Variants in MYO18B observed in about 807,000 individuals in gnomAD.
The protein encoded by MYO18B is unconventional myosin-XVIIIb.
A neutral mutation model predicts 273.0 loss-of-function variants in MYO18B; 204 were observed. The ratio of observed to expected loss-of-function variants is 0.75; its 90% CI spans 0.67 to 0.84. The LOEUF is 0.84. Among genes scored for constraint, MYO18B ranks in the 40% least tolerant of loss-of-function variants. The pLI, the probability that MYO18B is intolerant of heterozygous loss-of-function variation, is 0.00. For synonymous variants in MYO18B, 1,330 were observed against 1,305.7 expected, an observed-to-expected ratio of 1.02 and a Z score of -0.40; for missense variants, 3,212 against 3,287.6, an observed-to-expected ratio of 0.98 and a Z score of 0.56.
chr22:25,760,977 G>A lies in MYO18B; in HGVS notation c.-109-7G>A. ...TCTTCTCTCCCCACTGTGTCCCTGT[G>A]TGTCAGTTCTGTGTCCATCTCATGT... On this transcript the variant is annotated splice_region_variant and splice_polypyrimidine_tract_variant and intron_variant, in intron 1 of 43. Coordinates refer to ENST00000335473, the MANE Select transcript of MYO18B (RefSeq NM_032608.7). 1 of 1,134,828 alleles carries A rather than the reference G, an allele frequency of 8.8e-7. No homozygotes were observed. Among genetic ancestry groups the A allele is most frequent in the Non-Finnish European group, 1.3e-6 (1 of 756,948 alleles). 70.3% of individuals were successfully genotyped at this position (1,134,828 alleles called of 1,614,324 possible).
intron 11 of MYO18B, among the ~76,000 whole-genome samples, chr22:25,794,435 C>T (rs1412791732): frequency 1.3e-5 from 2 of 152,158 alleles, no homozygotes; most frequent in African/African-American, 4.8e-5. Context: ...CTCCTCCCAC[C>T]TCAGCCTCCC....
intron 3 of MYO18B, among the ~76,000 whole-genome samples, chr22:25,765,554 C>T (rs2086473770): frequency 6.6e-6 from 1 of 152,206 alleles, no homozygotes; most frequent in African/African-American, 2.4e-5. Flanking sequence ...GATTCTAGCT[C>T]TGGCCCTGCC....
At chr22:25,836,123 A>AG (rs1416026875) in intron 17 of MYO18B, among the ~76,000 whole-genome samples, 3 of 152,116 alleles carry the variant, frequency 2.0e-5, no homozygotes, top group Admixed American at 1.3e-4. Flanking sequence ...GATTGGTGGA[A>AG]GGGGGAGCAA....
At chr22:25,830,661 G>A (rs1464098599) in intron 15 of MYO18B, among the ~76,000 whole-genome samples, 1 of 152,174 alleles carries the variant, frequency 6.6e-6, no homozygotes, top group Non-Finnish European at 1.5e-5. Flanking sequence ...GCAAACAGAA[G>A]CGTGCAGGGG....
the MYO18B span, among the ~76,000 whole-genome samples, chr22:26,060,104 A>G: frequency 6.6e-6 from 1 of 152,234 alleles, no homozygotes. Context: ...GTACATCCCC[A>G]GCGTCCTTTA....
chr22:26,059,239 CT>C, the MYO18B span, among the ~76,000 whole-genome samples: 2 of 152,132 alleles, frequency 1.3e-5, no homozygotes, highest in Non-Finnish European at 2.9e-5. Context: ...TTGCTTGTTA[CT>C]TTACCTCTTC....
intron 7 of MYO18B, among the ~76,000 whole-genome samples, chr22:25,774,457 A>T (rs913063852): frequency 6.6e-6 from 1 of 152,232 alleles, no homozygotes; most frequent in Non-Finnish European, 1.5e-5. Context: ...GATAGCAATC[A>T]GGTCCTCATT....
At chr22:25,807,230 C>G (rs1300686984) in intron 12 of MYO18B, among the ~76,000 whole-genome samples, 1 of 152,186 alleles carries the variant, frequency 6.6e-6, no homozygotes, top group Non-Finnish European at 1.5e-5. Context: ...ACTCTCAGCT[C>G]AGTGCTCTTT....
intron 8 of MYO18B, 122 bp downstream of exon 8, chr22:25,777,903 A>AC: frequency 1.1e-6 from 1 of 946,496 alleles, no homozygotes; most frequent in Non-Finnish European, 1.5e-6. Flanking sequence ...ATATGTGCAG[A>AC]CCCCATGCTT....
chr22:25,943,881 G>C (rs1051386825), intron 34 of MYO18B, among the ~76,000 whole-genome samples: 17 of 151,638 alleles, frequency 1.1e-4, no homozygotes, highest in Non-Finnish European at 2.2e-4. Context: ...CACCATACCC[G>C]GCTAATTTTT....
chr22:25,926,066 G>A (rs2092416774), intron 34 of MYO18B, among the ~76,000 whole-genome samples: 2 of 151,700 alleles, frequency 1.3e-5, no homozygotes, highest in African/African-American at 4.8e-5. Context: ...TTAGCCAGAT[G>A]CAGTGACAGG....
chr22:26,017,727 T>A (rs1179922995), intron 42 of MYO18B, among the ~76,000 whole-genome samples: 1 of 152,210 alleles, frequency 6.6e-6, no homozygotes, highest in African/African-American at 2.4e-5. Context: ...ATGATTCTAT[T>A]AAAGAATGAT....
chr22:25,792,804 C>T (rs2087738188), intron 11 of MYO18B, among the ~76,000 whole-genome samples: 1 of 152,064 alleles, frequency 6.6e-6, no homozygotes, highest in African/African-American at 2.4e-5. Flanking sequence ...CAGCATTTTC[C>T]TCCCCAAGTT....
At chr22:25,886,081 C>T (rs76029065) in intron 25 of MYO18B, among the ~76,000 whole-genome samples, 12,383 of 152,306 alleles carry the variant, frequency 0.081, 538 homozygotes, top group Non-Finnish European at 0.094. Context: ...CTTCGGTGAG[C>T]GTTTGCACCT....
intron 14 of MYO18B, among the ~76,000 whole-genome samples, chr22:25,826,996 A>T (rs1305787008): frequency 6.6e-6 from 1 of 152,200 alleles, no homozygotes; most frequent in Non-Finnish European, 1.5e-5. Context: ...TGGGAAGCAG[A>T]GGTTTCAGTG....
intron 12 of MYO18B, among the ~76,000 whole-genome samples, chr22:25,805,999 T>A (rs931313320): frequency 6.6e-6 from 1 of 152,214 alleles, no homozygotes; most frequent in African/African-American, 2.4e-5. Context: ...TGGATTAATG[T>A]CTGTCTCCCA....
the MYO18B span, among the ~76,000 whole-genome samples, chr22:26,037,902 G>A: frequency 6.6e-6 from 1 of 152,232 alleles, no homozygotes; most frequent in Non-Finnish European, 1.5e-5. Flanking sequence ...CCCCATACCT[G>A]TGCATGGAAG....
chr22:25,931,977 T>C (rs1408651447), intron 34 of MYO18B, among the ~76,000 whole-genome samples: 1 of 151,968 alleles, frequency 6.6e-6, no homozygotes, highest in Non-Finnish European at 1.5e-5. Context: ...GCTCAAGCGA[T>C]CCTCCAGCCT....
In MYO18B at chr22:25,992,401, C is replaced by T; in HGVS notation, c.6195C>T (p.Thr2065=). 1 of 1,614,010 alleles carries T rather than the reference C, an allele frequency of 6.2e-7. No homozygotes were observed. The highest frequency in any genetic ancestry group is 8.5e-7 in the Non-Finnish European group (1 of 1,179,900). ...AGGAACTTGCAGCAGTGAGGCAAAC[C>T]CTCCAGACAGACCTGGAGACATCCA... ...YVEELAAVRQ[T]LQTDLETSIR... Residue 2065 remains threonine, a synonymous_variant, in exon 40 of 44, where the codon ACC becomes ACT. Coordinates refer to ENST00000335473, the MANE Select transcript of MYO18B (RefSeq NM_032608.7).
Sources: allele counts gnomAD v4.1 joint callset (sites outside exome capture counted in the v4.1 genomes callset), GRCh38; gene constraint gnomAD v4.1.1; transcripts MANE v1.5; gene names NCBI Gene and HGNC (gene_info 2026-07-23, HGNC 2026-07-21).